XYLT1: variants seen among roughly 807,000 people sequenced by gnomAD.
XYLT1 encodes xylosyltransferase 1.
In XYLT1, 36 loss-of-function variants were observed where a neutral mutation model predicts 91.3. That is an observed-to-expected ratio of 0.39 (90% CI 0.30 to 0.52). XYLT1 has a LOEUF of 0.52. Ranked by LOEUF, XYLT1 falls within the 20% of genes least tolerant of loss-of-function variation. The pLI is 0.68. For missense variants in XYLT1, 1,242 were observed against 1,284.5 expected, an observed-to-expected ratio of 0.97 and a Z score of 0.51; for synonymous variants, 588 against 532.0, an observed-to-expected ratio of 1.11 and a Z score of -1.45.
intron 1 of XYLT1, among the ~76,000 whole-genome samples, chr16:17,390,424 G>A (rs1384011123): frequency 6.6e-6 from 1 of 152,198 alleles, no homozygotes; most frequent in African/African-American, 2.4e-5. Context: ...CATGGAGGAG[G>A]CACCTTCAAT....
intron 3 of XYLT1, among the ~76,000 whole-genome samples, chr16:17,248,958 C>T (rs2033490950): frequency 6.6e-6 from 1 of 151,924 alleles, no homozygotes; most frequent in South Asian, 2.1e-4. Flanking sequence ...AACTCCTGAC[C>T]TCAAGCGATC....
intron 1 of XYLT1, among the ~76,000 whole-genome samples, chr16:17,468,282 C>T (rs1207689236): frequency 6.6e-6 from 1 of 150,970 alleles, no homozygotes; most frequent in Non-Finnish European, 1.5e-5. Flanking sequence ...AGAAAGGAGA[C>T]AAGCAAATGA....
intron 1 of XYLT1, among the ~76,000 whole-genome samples, chr16:17,371,565 G>T (rs2035532218): frequency 6.6e-6 from 1 of 152,194 alleles, no homozygotes; most frequent in South Asian, 2.1e-4. Context: ...AGTCTTTATA[G>T]GATATGTAGC....
chr16:17,290,081 C>T (rs1567358655), intron 2 of XYLT1, among the ~76,000 whole-genome samples: 2 of 152,122 alleles, frequency 1.3e-5, no homozygotes, highest in Non-Finnish European at 2.9e-5. Context: ...AATATCGAAC[C>T]GTGTTGGCAA....
chr16:17,325,791 G>T (rs1374136889), intron 2 of XYLT1, among the ~76,000 whole-genome samples: 1 of 152,168 alleles, frequency 6.6e-6, no homozygotes, highest in Non-Finnish European at 1.5e-5. Flanking sequence ...GTGTCTATGT[G>T]TACTGGGAGA....
intron 3 of XYLT1, among the ~76,000 whole-genome samples, chr16:17,233,354 T>C (rs1178579558): frequency 6.6e-6 from 1 of 152,206 alleles, no homozygotes; most frequent in Non-Finnish European, 1.5e-5. Flanking sequence ...ATGCCAGTGC[T>C]GAGCAAAGCA....
chr16:17,234,800 T>A (rs1358083832), intron 3 of XYLT1, among the ~76,000 whole-genome samples: 1 of 152,176 alleles, frequency 6.6e-6, no homozygotes. Context: ...ACATCCACAG[T>A]AAATGATTAC....
intron 2 of XYLT1, among the ~76,000 whole-genome samples, chr16:17,281,751 G>A (rs2141785495): frequency 1.3e-5 from 2 of 152,300 alleles, no homozygotes. Context: ...TTCCTCCCTG[G>A]ATGATTCAAA....
At chr16:17,396,845 T>G (rs1379198414) in intron 1 of XYLT1, among the ~76,000 whole-genome samples, 2 of 152,184 alleles carry the variant, frequency 1.3e-5, no homozygotes, top group African/African-American at 4.8e-5. Context: ...TACTCTGGCC[T>G]GGGCAGAGTG....
At chr16:17,406,046 G>A (rs533048388) in intron 1 of XYLT1, among the ~76,000 whole-genome samples, 4 of 152,056 alleles carry the variant, frequency 2.6e-5, no homozygotes, top group Admixed American at 1.3e-4. Flanking sequence ...TTAGCCAGGC[G>A]TGGTGGTGCA....
intron 2 of XYLT1, among the ~76,000 whole-genome samples, chr16:17,337,669 C>T (rs1255255945): frequency 6.6e-6 from 1 of 152,058 alleles, no homozygotes; most frequent in Non-Finnish European, 1.5e-5. Context: ...TGTGGGACCA[C>T]AAACCCTTGT....
At chr16:17,145,686 G>C (rs896211829) in intron 6 of XYLT1, among the ~76,000 whole-genome samples, 1 of 152,176 alleles carries the variant, frequency 6.6e-6, no homozygotes, top group Non-Finnish European at 1.5e-5. Context: ...TTTTTGAGAT[G>C]AGATTCCTCA....
chr16:17,448,313 C>T (rs955333063), intron 1 of XYLT1, among the ~76,000 whole-genome samples: 3 of 152,048 alleles, frequency 2.0e-5, no homozygotes, highest in African/African-American at 7.3e-5. Context: ...TGCAGTGAGC[C>T]GAGATTGCGC....
chr16:17,422,982 C>CT lies in XYLT1; in HGVS notation c.363+47451dup, dbSNP rs60729147. 2.0e-3 allele frequency among the ~76,000 whole-genome samples: 310 copies of CT among 152,316 alleles called. 1 individual carries two copies. Among genetic ancestry groups the CT allele is most frequent in the African/African-American group, 7.2e-3 (300 of 41,566 alleles). ...CTCTGGTCTTCTGCTAAGAGGCTGA[C>CT]TTTTTTAGCCCTGCAAAGTCCCCGT... On this transcript the variant is annotated intron_variant, in intron 1 of 11. Transcript: ENST00000261381.
At chr16:17,405,612 C>T (rs1291136352) in intron 1 of XYLT1, among the ~76,000 whole-genome samples, 1 of 152,182 alleles carries the variant, frequency 6.6e-6, no homozygotes. Context: ...CAGTCTGATG[C>T]AAGAACTGAA....
At position 17,115,847 on chromosome 16, in the gene XYLT1, C is replaced by T. The variant is rs1345813186; in HGVS notation, c.2557+1799G>A. Among the ~76,000 whole-genome samples, 4 of 119,768 alleles carry T rather than the reference C, an allele frequency of 3.3e-5. No individual in the cohort carries two copies. The East Asian group carries it at 1.1e-3, about 32-fold the overall frequency. The allele number at this position is 119,768 out of a possible 152,430, so 78.6% of individuals were successfully genotyped here. A position where few individuals can be genotyped will look rare whatever the true frequency, so the allele number is the denominator to read the frequency against. On this transcript the variant is annotated intron_variant, in intron 11 of 11. Coordinates refer to ENST00000261381, the MANE Select transcript of XYLT1 (RefSeq NM_022166.4). ...AAAAGACTTTTCCTTGCACTATTAT[C>T]AGTAACATCATCATCATCAGCAGCA...
At chr16:17,257,349 T>C (rs1216535216) in intron 3 of XYLT1, among the ~76,000 whole-genome samples, 1 of 152,090 alleles carries the variant, frequency 6.6e-6, no homozygotes, top group Non-Finnish European at 1.5e-5. Flanking sequence ...TTGAATGAAA[T>C]CCACACCCGT....
chr16:17,362,881 C>T (rs187112533), intron 1 of XYLT1, among the ~76,000 whole-genome samples: 6 of 152,320 alleles, frequency 3.9e-5, no homozygotes, highest in African/African-American at 1.4e-4. Flanking sequence ...GTGAAGCCCA[C>T]CAAATCAACA....
At chr16:17,342,261 A>C (rs1462909524) in intron 2 of XYLT1, among the ~76,000 whole-genome samples, 2 of 152,178 alleles carry the variant, frequency 1.3e-5, no homozygotes, top group Non-Finnish European at 2.9e-5. Flanking sequence ...CTCTTTCTGC[A>C]GAGCTCCACC....
Sources: allele counts gnomAD v4.1 joint callset (sites outside exome capture counted in the v4.1 genomes callset), GRCh38; gene constraint gnomAD v4.1.1; transcripts MANE v1.5; gene names NCBI Gene and HGNC (gene_info 2026-07-23, HGNC 2026-07-21).